Variants in OR7D4 observed in about 807,000 individuals in gnomAD.
The protein encoded by OR7D4 is olfactory receptor 7D4.
For missense variants in OR7D4, 319 were observed against 377.1 expected (o/e 0.85, Z 1.27); for synonymous variants, 154 against 158.4 (o/e 0.97, Z 0.21).
Position 9,214,203 on chromosome 19 carries a change from G to C in OR7D4, c.635C>G (p.Ala212Gly). ...ATALLGVFPVAGILFSYSQIV... is the reference protein window; with the variant it reads ...ATALLGVFPVGGILFSYSQIV... ...CTGAGAGTAGGAGAAGAGGATCCCA[G>C]CTACAGGAAACACACCCAGCAGTGC... is the stretch of plus-strand genomic sequence containing the variant. The change falls in exon 2 of 2, where the codon GCT (alanine) becomes GGT (glycine). Residue 212 changes from alanine (A) to glycine (G), a missense_variant. By Grantham distance (60) the Ala-to-Gly change is moderately conservative. Transcript: ENST00000641669. 1 of 1,614,168 alleles carries C rather than the reference G, an allele frequency of 6.2e-7. No homozygotes were observed. Among genetic ancestry groups the C allele is most frequent in the Non-Finnish European group, 8.5e-7 (1 of 1,180,038 alleles).
At chr19:9,216,237 C>T (rs2051210190) in intron 1 of OR7D4, among the ~76,000 whole-genome samples, 2 of 152,160 alleles carry the variant, frequency 1.3e-5, no homozygotes, top group Non-Finnish European at 2.9e-5. Flanking sequence ...CTGTGGCCTC[C>T]TTGTTCTGGC....
chr19:9,213,939 G>T lies in OR7D4; in HGVS notation c.899C>A (p.Ala300Asp), dbSNP rs750926144. 6.2e-7 allele frequency: 1 copy of T among 1,614,052 alleles called. No homozygotes were observed. Residue 300 changes from alanine (A) to aspartate (D), a missense_variant, in exon 2 of 2, where the codon GCC becomes GAC. Ala to Asp is a moderately radical substitution (Grantham distance 126). Coordinates refer to ENST00000641669, the MANE Select transcript of OR7D4 (RefSeq NM_001005191.3). ...GGCCCTGCTGAGGAGTCTTTCCAGG[G>T]CCCCCTTCACATCCTTGTTCCTCAG... is the stretch of plus-strand genomic sequence containing the variant. ...YSLRNKDVKGALERLLSRADS... is the reference protein window; with the variant it reads ...YSLRNKDVKGDLERLLSRADS...
rs534686852 is a variant in OR7D4, at chr19:9,214,104, A to C, written c.734T>G (p.Leu245Arg). 2 of 1,614,178 alleles carry C rather than the reference A, an allele frequency of 1.2e-6. No individual in the cohort carries two copies. The highest frequency in any genetic ancestry group is 4.5e-5 in the East Asian group (2 of 44,884). Residue 245 changes from leucine (L) to arginine (R), a missense_variant, in exon 2 of 2, where the codon CTC becomes CGC. Physicochemically the swap from Leu to Arg is moderately radical, Grantham distance 102. Coordinates refer to ENST00000641669, the MANE Select transcript of OR7D4 (RefSeq NM_001005191.3). ...TCCATAGAACAAGGAGACCACACAG[A>C]GGTGAGATCCACAGGTGGAAAAGGC... ...YKAFSTCGSH[L>R]CVVSLFYGTG...
At position 9,213,807 on chromosome 19, in the gene OR7D4, T is replaced by C; in HGVS notation, c.*92A>G. ...CCAAAAATCCCACATCAAGCACATT[T>C]TTTAAAAGAGAAAAAGAGCCGGATA... On this transcript the variant is annotated 3_prime_UTR_variant, in exon 2 of 2. Transcript: ENST00000641669. The C allele has an allele frequency of 1.1e-6, 1 of 907,380 alleles. No individual in the cohort carries two copies. The highest frequency in any genetic ancestry group is 1.7e-6 in the Non-Finnish European group (1 of 586,536). The allele number at this position is 907,380 out of a possible 1,614,324, so 56.2% of individuals were successfully genotyped here. A position where few individuals can be genotyped will look rare whatever the true frequency, so the allele number is the denominator to read the frequency against.
At chr19:9,216,050 C>CT (rs2051208750) in intron 1 of OR7D4, among the ~76,000 whole-genome samples, 1 of 152,102 alleles carries the variant, frequency 6.6e-6, no homozygotes, top group Non-Finnish European at 1.5e-5. Context: ...TGCAAGGAAA[C>CT]TCCCCCTTAT....
Position 9,210,707 on chromosome 19 carries a change from C to T in OR7D4, c.*3192G>A, listed in dbSNP as rs986287789. On this transcript the variant is annotated 3_prime_UTR_variant, in exon 2 of 2. Coordinates refer to ENST00000641669, the MANE Select transcript of OR7D4 (RefSeq NM_001005191.3). ...GATCTCACACACACACACACACACA[C>T]AACACACACAACACAGAGTCTACAC... The T allele has an allele frequency of 1.5e-5, 2 of 137,356 alleles. No homozygotes were observed. Among genetic ancestry groups the T allele is most frequent in the Non-Finnish European group, 3.0e-5 (2 of 65,698 alleles). 8.5% of individuals were successfully genotyped at this position (137,356 alleles called of 1,614,324 possible). A position where few individuals can be genotyped will look rare whatever the true frequency, so the allele number is the denominator to read the frequency against.
At chr19:9,217,475 G>T (rs914272649) in intron 1 of OR7D4, among the ~76,000 whole-genome samples, 1 of 152,164 alleles carries the variant, frequency 6.6e-6, no homozygotes, top group Non-Finnish European at 1.5e-5. Context: ...CTGGAAAGTG[G>T]ATAGAAGAGG....
rs1447647558 is a variant in OR7D4 at position 9,214,868 on chromosome 19, A to G, written c.-13-18T>C. On this transcript the variant is annotated intron_variant, in intron 1 of 1. Transcript: ENST00000641669. ...TGTTGTGTCTGCTGGGGAAGGAGGA[A>G]AAAGCAACGTTTAATGAACAGCAAG... 1 of 1,394,552 alleles carries G rather than the reference A, an allele frequency of 7.2e-7. No individual in the cohort carries two copies. Among genetic ancestry groups the G allele is most frequent in the Admixed American group, 2.0e-5 (1 of 50,318 alleles). The allele number at this position is 1,394,552 out of a possible 1,614,324, so 86.4% of individuals were successfully genotyped here.
In OR7D4 at chr19:9,214,452, G is replaced by T. The variant is rs773929389; in HGVS notation, c.386C>A (p.Pro129Gln). The change falls in exon 2 of 2, where the codon CCA becomes CAA. Residue 129 changes from proline (P) to glutamine (Q), a missense_variant. Transcript: ENST00000641669. ...AYDRFVAICHPLHYTVIMNPC... is the reference protein window; with the variant it reads ...AYDRFVAICHQLHYTVIMNPC... ...GTTCATGATGACCGTGTAGTGCAGTGGGTGGCAGATGGCCACAAACCGGTC... is the reference window on the plus strand; with the variant it reads ...GTTCATGATGACCGTGTAGTGCAGTTGGTGGCAGATGGCCACAAACCGGTC... 1 of 1,614,160 alleles carries T rather than the reference G, an allele frequency of 6.2e-7. No individual in the cohort carries two copies. Among genetic ancestry groups the T allele is most frequent in the Admixed American group, 1.7e-5 (1 of 60,028 alleles).
rs563022616 is a variant in OR7D4, at chr19:9,214,678, G to A, written c.160C>T (p.His54Tyr). The A allele has an allele frequency of 1.6e-4, 253 of 1,614,136 alleles. 3 individuals are homozygous for A. In the South Asian group the frequency reaches 2.4e-3, roughly 15 times the overall value. ...AAGAAGTACATGGGGGTGTGGAGGTGGGAGTCAGAGCTGACGGCCAGAATG... is the reference window on the plus strand; with the variant it reads ...AAGAAGTACATGGGGGTGTGGAGGTAGGAGTCAGAGCTGACGGCCAGAATG... The part of the protein sequence containing the change: ...LIILAVSSDS[H>Y]LHTPMYFFLS... Residue 54 changes from histidine (H) to tyrosine (Y), a missense_variant, in exon 2 of 2, where the codon CAC becomes TAC. By Grantham distance (83) the His-to-Tyr change is moderately conservative. Coordinates refer to ENST00000641669, the MANE Select transcript of OR7D4 (RefSeq NM_001005191.3).
Position 9,214,685 on chromosome 19 carries a change from A to C in OR7D4, c.153T>G (p.Ser51=). Residue 51 remains serine, a synonymous_variant, in exon 2 of 2, where the codon TCT becomes TCG. Transcript: ENST00000641669. ...GNLLIILAVS[S]DSHLHTPMYF... Reference sequence around the variant, plus strand: ...ACATGGGGGTGTGGAGGTGGGAGTCAGAGCTGACGGCCAGAATGATGAGCA... The same window carrying C: ...ACATGGGGGTGTGGAGGTGGGAGTCCGAGCTGACGGCCAGAATGATGAGCA... The C allele has an allele frequency of 6.2e-7, 1 of 1,614,170 alleles. No individual in the cohort carries two copies. Among genetic ancestry groups the C allele is most frequent in the South Asian group, 1.1e-5 (1 of 91,080 alleles).
chr19:9,216,085 TACTC>T (rs776709930), intron 1 of OR7D4, among the ~76,000 whole-genome samples: 17 of 152,278 alleles, frequency 1.1e-4, no homozygotes, highest in South Asian at 8.3e-4. Context: ...TCATGAGACT[TACTC>T]ACTATCTCAA....
At chr19:9,217,266 A>C (rs532751381) in intron 1 of OR7D4, among the ~76,000 whole-genome samples, 1 of 152,386 alleles carries the variant, frequency 6.6e-6, no homozygotes, top group South Asian at 2.1e-4. Flanking sequence ...TGAATTGCCA[A>C]GAAATGTGAC....
At chr19:9,215,014 T>G (rs2051201449) in intron 1 of OR7D4, 164 bp from the exon 2 acceptor site, 2 of 579,130 alleles carry the variant, frequency 3.5e-6, no homozygotes. Context: ...TTATTCTATT[T>G]GTGTAGAGTT....
chr19:9,214,747 A>G lies in OR7D4; in HGVS notation c.91T>C (p.Phe31Leu). Reference sequence around the variant, plus strand: ...ACCGTGACCAGGTACATGGACAGGAACAGCCCAAAGAGGACGGGCTGCAGT... The same window carrying G: ...ACCGTGACCAGGTACATGGACAGGAGCAGCCCAAAGAGGACGGGCTGCAGT... The part of the protein sequence containing the change: ...PELQPVLFGL[F>L]LSMYLVTVLG... Residue 31 changes from phenylalanine (F) to leucine (L), a missense_variant, in exon 2 of 2, where the codon TTC becomes CTC. Transcript: ENST00000641669. 1 of 1,614,032 alleles carries G rather than the reference A, an allele frequency of 6.2e-7. No individual in the cohort carries two copies. Among genetic ancestry groups the G allele is most frequent in the Non-Finnish European group, 8.5e-7 (1 of 1,179,914 alleles).
rs897690177 is a variant in OR7D4, at chr19:9,212,321, C to T, written c.*1578G>A. 6.6e-6 allele frequency: 1 copy of T among 152,106 alleles called. No individual in the cohort carries two copies. The highest frequency in any genetic ancestry group is 2.4e-5 in the African/African-American group (1 of 41,422). 9.4% of individuals were successfully genotyped at this position (152,106 alleles called of 1,614,324 possible). On this transcript the variant is annotated 3_prime_UTR_variant, in exon 2 of 2. Coordinates refer to ENST00000641669, the MANE Select transcript of OR7D4 (RefSeq NM_001005191.3). Reference sequence around the variant, plus strand: ...TGGCACAATCTCAGCTCACTGCAACCTCTGCCACCTGAGTTTTATTTCAAA... The same window carrying T: ...TGGCACAATCTCAGCTCACTGCAACTTCTGCCACCTGAGTTTTATTTCAAA...
At chr19:9,215,641 G>A (rs10407376) in intron 1 of OR7D4, among the ~76,000 whole-genome samples, 2,018 of 152,100 alleles carry the variant, frequency 0.013, 55 homozygotes, top group African/African-American at 0.047. Flanking sequence ...TTAAATTATT[G>A]ATATTACTTT....
rs2051175261 is a variant in OR7D4, at chr19:9,211,902, A to G, written c.*1997T>C. On this transcript the variant is annotated 3_prime_UTR_variant, in exon 2 of 2. Transcript: ENST00000641669. ...CCCATTTCATTTTAAAATTAAAAAAAAATCTGATGTGGTTTGTCACTGTCT... is the reference window on the plus strand; with the variant it reads ...CCCATTTCATTTTAAAATTAAAAAAGAATCTGATGTGGTTTGTCACTGTCT... 1 of 152,086 alleles carries G rather than the reference A, an allele frequency of 6.6e-6. No individual in the cohort carries two copies. Among genetic ancestry groups the G allele is most frequent in the Admixed American group, 6.6e-5 (1 of 15,266 alleles). The allele number at this position is 152,086 out of a possible 1,614,324, so 9.4% of individuals were successfully genotyped here.
intron 1 of OR7D4, among the ~76,000 whole-genome samples, chr19:9,215,896 C>T (rs969955724): frequency 6.6e-6 from 1 of 152,072 alleles, no homozygotes; most frequent in African/African-American, 2.4e-5. Flanking sequence ...AAAGACATAC[C>T]TGAGACTGGG....
Sources: gnomAD v4.1 joint callset for allele counts (sites outside exome capture counted in the v4.1 genomes callset) on GRCh38, gnomAD v4.1.1 for gene constraint, MANE v1.5 for transcripts, NCBI Gene and HGNC (gene_info 2026-07-23, HGNC 2026-07-21) for gene names.